Variants in DLC1 observed in about 807,000 individuals in gnomAD.
DLC1 encodes the protein rho GTPase-activating protein 7.
In DLC1, 54 loss-of-function variants were observed where a neutral mutation model predicts 140.3. The observed-to-expected ratio is 0.38, with a 90% CI of 0.31 to 0.48. The LOEUF is 0.48. Ranked by LOEUF, DLC1 falls within the 20% of genes least tolerant of loss-of-function variation. The probability of loss-of-function intolerance (pLI) is 0.96; values close to 1 mark genes in which losing one functional copy is unlikely to be tolerated. For missense variants in DLC1, 2,536 were observed against 1,907.0 expected, an observed-to-expected ratio of 1.33 and a Z score of -6.14; for synonymous variants, 986 against 728.1, an observed-to-expected ratio of 1.35 and a Z score of -5.70.
At chr8:13,276,254 C>A in intron 5 of DLC1, 4 of 1,535,346 alleles carry the variant, frequency 2.6e-6, no homozygotes, top group Non-Finnish European at 3.5e-6. Context: ...TCCCCCTCTG[C>A]CTCTCACCTG....
chr8:13,255,984 A>G (rs1586014835), intron 5 of DLC1, among the ~76,000 whole-genome samples: 2 of 152,210 alleles, frequency 1.3e-5, no homozygotes, highest in Non-Finnish European at 2.9e-5. Flanking sequence ...GGCACATAGC[A>G]TATTTGGGTT....
At chr8:13,487,644 G>A (rs1801032440) in intron 2 of DLC1, among the ~76,000 whole-genome samples, 1 of 151,738 alleles carries the variant, frequency 6.6e-6, no homozygotes, top group Admixed American at 6.6e-5. Flanking sequence ...CGTGAGTTCG[G>A]CTCACTGCAA....
At chr8:13,378,610 T>C (rs532936373) in intron 4 of DLC1, among the ~76,000 whole-genome samples, 2 of 152,312 alleles carry the variant, frequency 1.3e-5, no homozygotes, top group South Asian at 4.1e-4. Flanking sequence ...TTCAAAACCA[T>C]GTATTTTTAT....
intron 1 of DLC1, among the ~76,000 whole-genome samples, chr8:13,576,652 G>A (rs1439374938): frequency 6.6e-6 from 1 of 152,092 alleles, no homozygotes; most frequent in Non-Finnish European, 1.5e-5. Flanking sequence ...CTTGTCCTAT[G>A]TGCAGAGAAA....
intron 2 of DLC1, among the ~76,000 whole-genome samples, chr8:13,426,573 G>T (rs531043793): frequency 1.4e-4 from 22 of 152,198 alleles, no homozygotes; most frequent in African/African-American, 5.3e-4. Context: ...TTTCTCAGAA[G>T]GTCCCAGAAT....
intron 5 of DLC1, among the ~76,000 whole-genome samples, chr8:13,143,884 C>CA (rs1823225518): frequency 6.7e-6 from 1 of 149,166 alleles, no homozygotes; most frequent in Non-Finnish European, 1.5e-5. Context: ...CCAGCCGTTT[C>CA]AGCCCAGAGC....
chr8:13,408,432 G>T (rs1837657365), intron 2 of DLC1, among the ~76,000 whole-genome samples: 1 of 152,150 alleles, frequency 6.6e-6, no homozygotes, highest in South Asian at 2.1e-4. Context: ...TCTTTTGCTA[G>T]GTTTTTAAAC....
At chr8:13,248,353 T>G (rs959968092) in intron 5 of DLC1, among the ~76,000 whole-genome samples, 4 of 152,112 alleles carry the variant, frequency 2.6e-5, no homozygotes, top group South Asian at 2.1e-4. Flanking sequence ...TTTGCTTCCA[T>G]ATTCTATTAG....
intron 1 of DLC1, among the ~76,000 whole-genome samples, chr8:13,569,926 A>G (rs544628259): frequency 8.3e-4 from 127 of 152,212 alleles, no homozygotes; most frequent in Non-Finnish European, 1.6e-3. Flanking sequence ...AAATTTTGCT[A>G]TGTTGCCCAG....
intron 4 of DLC1, among the ~76,000 whole-genome samples, chr8:13,352,187 T>A (rs78917137): frequency 0.032 from 4,875 of 151,794 alleles, 108 homozygotes; most frequent in Non-Finnish European, 0.05. Flanking sequence ...GGCAGCCACA[T>A]GGTGCACGTG....
chr8:13,311,358 T>G (rs1832658283), intron 4 of DLC1, among the ~76,000 whole-genome samples: 1 of 152,156 alleles, frequency 6.6e-6, no homozygotes, highest in Non-Finnish European at 1.5e-5. Flanking sequence ...CTCCTAGTGT[T>G]CACGATTCCA....
chr8:13,474,541 C>T (rs1156764029), intron 2 of DLC1, among the ~76,000 whole-genome samples: 1 of 152,186 alleles, frequency 6.6e-6, no homozygotes, highest in Non-Finnish European at 1.5e-5. Flanking sequence ...GATCCACCCA[C>T]AACTTGCATC....
chr8:13,134,023 C>G (rs1405484610), intron 5 of DLC1, among the ~76,000 whole-genome samples: 1 of 152,180 alleles, frequency 6.6e-6, no homozygotes, highest in Non-Finnish European at 1.5e-5. Context: ...GGCCACAGTC[C>G]GAATGCAGCT....
intron 5 of DLC1, among the ~76,000 whole-genome samples, chr8:13,192,371 G>C (rs1441612370): frequency 6.6e-6 from 1 of 152,176 alleles, no homozygotes; most frequent in Non-Finnish European, 1.5e-5. Flanking sequence ...AATTCATGAT[G>C]AAAGTGAATA....
intron 1 of DLC1, among the ~76,000 whole-genome samples, chr8:13,544,771 C>T (rs1189578149): frequency 1.3e-5 from 2 of 152,238 alleles, no homozygotes; most frequent in African/African-American, 2.4e-5. Flanking sequence ...ATTAAAAAAG[C>T]TAAAAATATT....
At chr8:13,503,858 T>A (rs910884936) in intron 1 of DLC1, among the ~76,000 whole-genome samples, 3 of 152,218 alleles carry the variant, frequency 2.0e-5, no homozygotes, top group African/African-American at 7.2e-5. Context: ...AGTTCTATCA[T>A]AGATATCTAT....
chr8:13,166,693 A>G (rs1385975923), intron 5 of DLC1, among the ~76,000 whole-genome samples: 6 of 152,196 alleles, frequency 3.9e-5, no homozygotes, highest in African/African-American at 1.4e-4. Context: ...ACCTAAATGG[A>G]TCAAATAAGC....
intron 7 of DLC1, among the ~76,000 whole-genome samples, chr8:13,103,892 C>T (rs1045316492): frequency 2.6e-5 from 4 of 151,260 alleles, no homozygotes; most frequent in African/African-American, 9.7e-5. Context: ...GTGATGTCTC[C>T]TTTCATAGAA....
intron 5 of DLC1, among the ~76,000 whole-genome samples, chr8:13,289,070 G>A (rs73560569): frequency 6.6e-6 from 1 of 152,082 alleles, no homozygotes; most frequent in African/African-American, 2.4e-5. Flanking sequence ...CTTCACTCCT[G>A]TGACCTGTTC....
Sources: allele counts gnomAD v4.1 joint callset (sites outside exome capture counted in the v4.1 genomes callset), GRCh38; gene constraint gnomAD v4.1.1; transcripts MANE v1.5; gene names NCBI Gene and HGNC (gene_info 2026-07-23, HGNC 2026-07-21).